The following RNLS variants were observed in gnomAD, a reference collection of about 807,000 sequenced individuals.
RNLS encodes the protein renalase.
RNLS carries 39 observed loss-of-function variants against 39.8 expected under a neutral mutation model. The ratio of observed to expected loss-of-function variants is 0.98; its 90% CI spans 0.76 to 1.28. The LOEUF (loss-of-function observed/expected upper bound fraction) is 1.28. Among genes scored for constraint, RNLS ranks in the 50% most tolerant of loss-of-function variants. RNLS has a pLI of 0.00. For missense variants in RNLS, 410 were observed against 413.3 expected (o/e 0.99, Z 0.07); for synonymous variants, 147 against 150.7 (o/e 0.98, Z 0.18).
At chr10:88,492,585 A>ATT (rs1179093930) in intron 4 of RNLS, among the ~76,000 whole-genome samples, 1 of 151,664 alleles carries the variant, frequency 6.6e-6, no homozygotes, top group African/African-American at 2.4e-5. Flanking sequence ...TGCCTGGCTA[A>ATT]TTTTTGTATT....
At chr10:88,372,337 TTC>T (rs970061760) in intron 4 of RNLS, among the ~76,000 whole-genome samples, 2 of 152,140 alleles carry the variant, frequency 1.3e-5, no homozygotes, top group African/African-American at 4.8e-5. Flanking sequence ...AAAAAGGGTT[TTC>T]TCTCTAGTCC....
intron 4 of RNLS, among the ~76,000 whole-genome samples, chr10:88,525,622 A>G (rs1194060277): frequency 6.6e-6 from 1 of 152,132 alleles, no homozygotes; most frequent in Non-Finnish European, 1.5e-5. Context: ...AGAGATCCTC[A>G]TATCTTCCAG....
chr10:88,447,929 T>C (rs140075289), intron 4 of RNLS, among the ~76,000 whole-genome samples: 1,584 of 152,352 alleles, frequency 0.01, 8 homozygotes, highest in Non-Finnish European at 0.017. Context: ...ATTTAATAAA[T>C]GGTGCTGGGA....
At chr10:88,225,909 T>C in the RNLS span, among the ~76,000 whole-genome samples, 1 of 150,996 alleles carries the variant, frequency 6.6e-6, no homozygotes, top group Non-Finnish European at 1.5e-5. Context: ...TTTACATCAG[T>C]GTCCTATTTT....
the RNLS span, among the ~76,000 whole-genome samples, chr10:88,223,089 G>A: frequency 6.6e-6 from 1 of 152,242 alleles, no homozygotes; most frequent in East Asian, 1.9e-4. Flanking sequence ...GAAAGGTTAT[G>A]TAATTTGCCT....
At chr10:88,362,402 C>T in intron 5 of RNLS, 150 bp downstream of exon 5, 1 of 636,298 alleles carries the variant, frequency 1.6e-6, no homozygotes, top group East Asian at 2.8e-5. Context: ...TATTTTATTA[C>T]TGGCCAAATG....
At chr10:88,276,737 G>A (rs1842826666) in intron 6 of RNLS, among the ~76,000 whole-genome samples, 1 of 152,104 alleles carries the variant, frequency 6.6e-6, no homozygotes, top group African/African-American at 2.4e-5. Context: ...GCTCAAACTT[G>A]TTAGTTATTT....
intron 4 of RNLS, among the ~76,000 whole-genome samples, chr10:88,457,062 G>A (rs1289203131): frequency 6.6e-6 from 1 of 152,124 alleles, no homozygotes; most frequent in Non-Finnish European, 1.5e-5. Context: ...ACAAGTTTTA[G>A]GAAAAAATCC....
At chr10:88,208,678 G>A in the RNLS span, among the ~76,000 whole-genome samples, 2 of 152,084 alleles carry the variant, frequency 1.3e-5, no homozygotes, top group East Asian at 1.9e-4. Flanking sequence ...CTTTCTGCTT[G>A]GATGAAAAGA....
chr10:88,396,246 T>G (rs928144425), intron 4 of RNLS, among the ~76,000 whole-genome samples: 17 of 152,020 alleles, frequency 1.1e-4, no homozygotes, highest in African/African-American at 4.1e-4. Context: ...GAAAGACAAC[T>G]TTAGAAAGTA....
At chr10:88,312,319 T>G (rs1423267959) in intron 6 of RNLS, among the ~76,000 whole-genome samples, 1 of 152,118 alleles carries the variant, frequency 6.6e-6, no homozygotes. Flanking sequence ...AGCTGAGGAA[T>G]GTGGGCAGCT....
intron 4 of RNLS, among the ~76,000 whole-genome samples, chr10:88,505,148 G>A (rs1845719360): frequency 6.6e-6 from 1 of 151,944 alleles, no homozygotes; most frequent in African/African-American, 2.4e-5. Flanking sequence ...AGAAATGGTT[G>A]ATTCCAGATC....
At chr10:88,513,483 T>A (rs1321741774) in intron 4 of RNLS, among the ~76,000 whole-genome samples, 1 of 152,170 alleles carries the variant, frequency 6.6e-6, no homozygotes, top group Non-Finnish European at 1.5e-5. Context: ...AGATAGTTTC[T>A]ATAAATAATA....
chr10:88,355,328 T>C (rs1849070842), intron 5 of RNLS, among the ~76,000 whole-genome samples: 1 of 152,196 alleles, frequency 6.6e-6, no homozygotes, highest in African/African-American at 2.4e-5. Flanking sequence ...TTCTGTTTTT[T>C]CCCCATCTTT....
At chr10:88,552,111 A>T (rs542913558) in intron 4 of RNLS, among the ~76,000 whole-genome samples, 1 of 152,150 alleles carries the variant, frequency 6.6e-6, no homozygotes, top group Non-Finnish European at 1.5e-5. Flanking sequence ...AATCTTCCCA[A>T]ATGCCCTCAT....
chr10:88,280,068 C>T (rs997279126), downstream of RNLS, among the ~76,000 whole-genome samples: 4 of 152,120 alleles, frequency 2.6e-5, no homozygotes, highest in African/African-American at 9.7e-5. Context: ...TCACAGAGGC[C>T]TCAGAGGCAC....
downstream of RNLS, among the ~76,000 whole-genome samples, chr10:88,269,463 T>C (rs1482320203): frequency 1.3e-5 from 2 of 152,192 alleles, no homozygotes; most frequent in African/African-American, 4.8e-5. Context: ...AAGTGACAGC[T>C]ATATTAGGCA....
intron 4 of RNLS, among the ~76,000 whole-genome samples, chr10:88,435,883 A>C (rs1855445288): frequency 6.6e-6 from 1 of 152,148 alleles, no homozygotes; most frequent in Non-Finnish European, 1.5e-5. Context: ...TCCATACTCC[A>C]TTCCTGGTTA....
At chr10:88,567,038 T>C (rs767502166) in intron 4 of RNLS, among the ~76,000 whole-genome samples, 51 of 152,152 alleles carry the variant, frequency 3.4e-4, no homozygotes, top group Non-Finnish European at 6.9e-4. Context: ...AGAGAGAACA[T>C]TTCATTTATA....
Sources: allele counts gnomAD v4.1 joint callset (sites outside exome capture counted in the v4.1 genomes callset), GRCh38; gene constraint gnomAD v4.1.1; transcripts MANE v1.5; gene names NCBI Gene and HGNC (gene_info 2026-07-23, HGNC 2026-07-21).